The following EXOC4 variants were observed in gnomAD, a reference collection of about 807,000 sequenced individuals.
EXOC4 encodes SEC8-like 1.
In EXOC4, 71 loss-of-function variants were observed where a neutral mutation model predicts 107.2. That is an observed-to-expected ratio of 0.66 (90% CI 0.55 to 0.81). The LOEUF is 0.81. Among genes scored for constraint, EXOC4 ranks in the 30% least tolerant of loss-of-function variants. EXOC4 has a pLI of 0.00. For missense variants in EXOC4, 1,108 were observed against 1,189.6 expected, an observed-to-expected ratio of 0.93 and a Z score of 1.01; for synonymous variants, 456 against 441.2, an observed-to-expected ratio of 1.03 and a Z score of -0.42.
At chr7:133,455,597 T>G (rs1411744539) in intron 7 of EXOC4, among the ~76,000 whole-genome samples, 2 of 152,226 alleles carry the variant, frequency 1.3e-5, no homozygotes, top group African/African-American at 4.8e-5. Flanking sequence ...GTTCTAGGCT[T>G]CTTTGAAAGC....
chr7:133,980,532 C>T (rs1793956655), intron 14 of EXOC4, among the ~76,000 whole-genome samples: 1 of 152,200 alleles, frequency 6.6e-6, no homozygotes, highest in African/African-American at 2.4e-5. Context: ...AATGTAACTA[C>T]TACTTTCTGG....
chr7:133,823,892 ATT>A (rs1192586878), intron 11 of EXOC4, among the ~76,000 whole-genome samples: 6 of 17,756 alleles, frequency 3.4e-4, no homozygotes, highest in East Asian at 1.3e-3. Context: ...ATATATATAT[ATT>A]TTATATATAT....
At chr7:133,460,911 G>T (rs935868463) in intron 7 of EXOC4, among the ~76,000 whole-genome samples, 1 of 152,108 alleles carries the variant, frequency 6.6e-6, no homozygotes, top group South Asian at 2.1e-4. Flanking sequence ...TGCTCAAGTC[G>T]TGTTGGGAGG....
intron 12 of EXOC4, among the ~76,000 whole-genome samples, chr7:133,914,180 T>C (rs1246737334): frequency 1.3e-5 from 2 of 152,232 alleles, no homozygotes; most frequent in African/African-American, 4.8e-5. Context: ...TTCTTGTTTC[T>C]AACTTGTAGA....
At chr7:133,531,270 T>C (rs1215487031) in intron 9 of EXOC4, among the ~76,000 whole-genome samples, 1 of 152,166 alleles carries the variant, frequency 6.6e-6, no homozygotes, top group Non-Finnish European at 1.5e-5. Context: ...GTGAAATGTT[T>C]CCTAAGTTAA....
intron 14 of EXOC4, among the ~76,000 whole-genome samples, chr7:133,957,425 A>C (rs977419732): frequency 6.6e-6 from 1 of 152,226 alleles, no homozygotes; most frequent in South Asian, 2.1e-4. Context: ...CTTTTGAATA[A>C]CTGTAGTCTT....
At chr7:133,364,524 C>T (rs1796209255) in intron 6 of EXOC4, among the ~76,000 whole-genome samples, 1 of 152,104 alleles carries the variant, frequency 6.6e-6, no homozygotes, top group Non-Finnish European at 1.5e-5. Context: ...GCACTACTCA[C>T]AGTGGGTCTA....
rs1205184376 is a variant in EXOC4, at chr7:133,941,750, T to A, written c.2206+3681T>A. 5.9e-5 allele frequency among the ~76,000 whole-genome samples: 9 copies of A among 151,674 alleles called. No homozygotes were observed. In the East Asian group the frequency reaches 1.4e-3, roughly 23 times the overall value. On this transcript the variant is annotated intron_variant, in intron 14 of 17. Transcript: ENST00000253861. ...TGCATTGACTCATACAGCAGATAAA[T>A]CAAAGGACTTCAAGAGTGGCTGGAT...
intron 9 of EXOC4, among the ~76,000 whole-genome samples, chr7:133,512,291 G>T (rs1321689215): frequency 6.6e-6 from 1 of 152,008 alleles, no homozygotes; most frequent in South Asian, 2.1e-4. Flanking sequence ...TTAGCCAGGC[G>T]TGGTGGCTCG....
chr7:133,289,239 C>A, intron 3 of EXOC4, 123 bp downstream of exon 3: 1 of 756,448 alleles, frequency 1.3e-6, no homozygotes, highest in Non-Finnish European at 2.1e-6. Flanking sequence ...ATTCATGAGC[C>A]CTTGAAGGTG....
At chr7:133,604,598 T>A (rs1055018185) in intron 9 of EXOC4, among the ~76,000 whole-genome samples, 3 of 152,080 alleles carry the variant, frequency 2.0e-5, no homozygotes, top group Middle Eastern at 3.2e-3. Context: ...AATGATCTTT[T>A]CTTTGAGTTC....
intron 13 of EXOC4, among the ~76,000 whole-genome samples, chr7:133,933,877 A>G (rs766499674): frequency 4.1e-4 from 63 of 152,208 alleles, no homozygotes; most frequent in Non-Finnish European, 7.9e-4. Flanking sequence ...TTTTCTCTTC[A>G]CTAAAACGTG....
At chr7:133,597,986 C>G (rs1197535058) in intron 9 of EXOC4, among the ~76,000 whole-genome samples, 2 of 151,954 alleles carry the variant, frequency 1.3e-5, no homozygotes, top group African/African-American at 4.8e-5. Flanking sequence ...CGCCATTACT[C>G]CAGCCTGGGC....
chr7:133,596,305 C>T (rs749789646), intron 9 of EXOC4, among the ~76,000 whole-genome samples: 4 of 152,028 alleles, frequency 2.6e-5, no homozygotes, highest in Non-Finnish European at 5.9e-5. Flanking sequence ...AATGTGCTGC[C>T]TCATTTTGGA....
intron 9 of EXOC4, among the ~76,000 whole-genome samples, chr7:133,573,330 TC>T: frequency 6.6e-6 from 1 of 152,252 alleles, no homozygotes; most frequent in East Asian, 1.9e-4. Context: ...AGGCACCAGA[TC>T]TTTTGGGCAC....
chr7:133,781,243 TC>T (rs1402759082), intron 10 of EXOC4, among the ~76,000 whole-genome samples: 2 of 152,210 alleles, frequency 1.3e-5, no homozygotes, highest in Non-Finnish European at 2.9e-5. Flanking sequence ...TGAAGGCCAT[TC>T]TGGGTTTTCT....
intron 10 of EXOC4, among the ~76,000 whole-genome samples, chr7:133,755,210 ATGTG>A (rs200416174): frequency 1.5e-5 from 2 of 132,048 alleles, no homozygotes; most frequent in East Asian, 2.1e-4. Context: ...TTGTTTATAT[ATGTG>A]TGTGTGTGTA....
intron 3 of EXOC4, among the ~76,000 whole-genome samples, chr7:133,291,383 A>ATTTTT (rs372299756): frequency 7.5e-6 from 1 of 132,500 alleles, no homozygotes; most frequent in East Asian, 2.1e-4. Flanking sequence ...TTGTTATGTG[A>ATTTTT]TTTTTTTTTT....
intron 11 of EXOC4, among the ~76,000 whole-genome samples, chr7:133,858,138 A>G (rs926981921): frequency 1.3e-5 from 2 of 152,194 alleles, no homozygotes; most frequent in African/African-American, 4.8e-5. Flanking sequence ...GGAAAGTGTT[A>G]CAGCCCTTTT....
Sources: gnomAD v4.1 joint callset for allele counts (sites outside exome capture counted in the v4.1 genomes callset) on GRCh38, gnomAD v4.1.1 for gene constraint, MANE v1.5 for transcripts, NCBI Gene and HGNC (gene_info 2026-07-23, HGNC 2026-07-21) for gene names.